ARPP21: variants seen among roughly 807,000 people sequenced by gnomAD.
The protein encoded by ARPP21 is cAMP-regulated phosphoprotein 21.
Under a neutral mutation model 113.2 loss-of-function variants are expected in ARPP21, and 69 were observed. That is an observed-to-expected ratio of 0.61 (90% CI 0.50 to 0.74). The LOEUF (loss-of-function observed/expected upper bound fraction) is 0.74. Among genes scored for constraint, ARPP21 ranks in the 30% least tolerant of loss-of-function variants. ARPP21 has a pLI of 0.00. For missense variants in ARPP21, 1,070 were observed against 1,037.4 expected, an observed-to-expected ratio of 1.03 and a Z score of -0.43; for synonymous variants, 368 against 375.5, an observed-to-expected ratio of 0.98 and a Z score of 0.23.
intron 19 of ARPP21, among the ~76,000 whole-genome samples, chr3:35,749,510 A>AAGTTTGGTTT (rs2095323400): frequency 6.6e-6 from 1 of 151,320 alleles, no homozygotes; most frequent in African/African-American, 2.4e-5. Context: ...TTGGGGGAAG[A>AAGTTTGGTTT]AGTTTGGTTT....
intron 19 of ARPP21, among the ~76,000 whole-genome samples, chr3:35,770,091 G>C (rs990754978): frequency 9.9e-5 from 15 of 152,126 alleles, no homozygotes; most frequent in Non-Finnish European, 7.4e-5. Flanking sequence ...CATCAAAACA[G>C]TTGTTGACTA....
chr3:35,685,764 GAA>G, intron 5 of ARPP21: 1 of 956,440 alleles, frequency 1.0e-6, no homozygotes, highest in Non-Finnish European at 1.2e-6. Flanking sequence ...ACTGCAACTT[GAA>G]TCACTCTTTT....
intron 6 of ARPP21, among the ~76,000 whole-genome samples, chr3:35,688,481 A>G (rs2149583894): frequency 6.6e-6 from 1 of 151,734 alleles, no homozygotes; most frequent in South Asian, 2.1e-4. Context: ...CTCAAAACCT[A>G]CAGTCCAAAC....
chr3:35,743,781 T>C, intron 18 of ARPP21, 58 bp from the exon 19 acceptor site: 1 of 1,584,936 alleles, frequency 6.3e-7, no homozygotes, highest in Non-Finnish European at 8.6e-7. Flanking sequence ...ATTTTAAGTT[T>C]AAAAATTTAC....
intron 19 of ARPP21, among the ~76,000 whole-genome samples, chr3:35,755,747 A>G (rs1576669627): frequency 1.3e-5 from 2 of 152,084 alleles, no homozygotes; most frequent in African/African-American, 2.4e-5. Context: ...AAGAGTGAAG[A>G]GCATCTTAAG....
intron 9 of ARPP21, among the ~76,000 whole-genome samples, chr3:35,695,702 T>A (rs1300125829): frequency 6.6e-6 from 1 of 151,394 alleles, no homozygotes; most frequent in African/African-American, 2.4e-5. Flanking sequence ...TAAACAAATG[T>A]AGTAAGGAGG....
chr3:35,647,751 T>C (rs1700794460), intron 1 of ARPP21, among the ~76,000 whole-genome samples: 1 of 152,154 alleles, frequency 6.6e-6, no homozygotes, highest in Admixed American at 6.5e-5. Context: ...TCTCTGTGCT[T>C]CACAGTTTCT....
chr3:35,660,696 T>G (rs1247012985), intron 1 of ARPP21, among the ~76,000 whole-genome samples: 1 of 152,166 alleles, frequency 6.6e-6, no homozygotes, highest in African/African-American at 2.4e-5. Context: ...AGATTCTTGA[T>G]GGGTATTTAT....
chr3:35,775,926 C>A (rs1162174154), intron 19 of ARPP21, among the ~76,000 whole-genome samples: 1 of 152,070 alleles, frequency 6.6e-6, no homozygotes, highest in Non-Finnish European at 1.5e-5. Flanking sequence ...AGCCAGCTGA[C>A]TTTTTAAATG....
At chr3:35,691,181 A>G (rs1242625871) in intron 9 of ARPP21, among the ~76,000 whole-genome samples, 176 bp downstream of exon 9, 1 of 151,682 alleles carries the variant, frequency 6.6e-6, no homozygotes, top group African/African-American at 2.4e-5. Flanking sequence ...GAGAACCAAG[A>G]AAGTTTATAA....
chr3:35,707,121 T>C (rs754434849), intron 10 of ARPP21, 39 bp downstream of exon 10: 3 of 1,507,440 alleles, frequency 2.0e-6, no homozygotes, highest in Non-Finnish European at 2.8e-6. Flanking sequence ...CATTGTTGTT[T>C]TTGAAGGTGG....
chr3:35,725,808 C>T (rs4678801), intron 14 of ARPP21, among the ~76,000 whole-genome samples: 17,726 of 152,170 alleles, frequency 0.12, 1,069 homozygotes, highest in African/African-American at 0.13. Context: ...TGTGGCTACC[C>T]CCTAGGGTTC....
intron 1 of ARPP21, among the ~76,000 whole-genome samples, chr3:35,658,001 G>A (rs1705811142): frequency 6.6e-6 from 1 of 152,116 alleles, no homozygotes; most frequent in Admixed American, 6.6e-5. Flanking sequence ...GATATCTGAA[G>A]CAACATTACT....
chr3:35,756,650 C>G (rs1025985577), intron 19 of ARPP21, among the ~76,000 whole-genome samples: 3 of 152,078 alleles, frequency 2.0e-5, no homozygotes. Flanking sequence ...CTGTTTTTTA[C>G]AGGTACCTAG....
chr3:35,730,526 T>G (rs1217086472), intron 15 of ARPP21, among the ~76,000 whole-genome samples: 1 of 152,160 alleles, frequency 6.6e-6, no homozygotes, highest in Non-Finnish European at 1.5e-5. Flanking sequence ...TGGTTGAGAA[T>G]CCCCGGCTTA....
chr3:35,650,558 G>A (rs1359389216), intron 1 of ARPP21: 1 of 151,836 alleles, frequency 6.6e-6, no homozygotes, highest in Non-Finnish European at 1.5e-5. Flanking sequence ...AGTTAATTAG[G>A]TAATCCCTAG....
At chr3:35,663,583 C>T (rs1028069909) in intron 1 of ARPP21, among the ~76,000 whole-genome samples, 2 of 152,136 alleles carry the variant, frequency 1.3e-5, no homozygotes, top group African/African-American at 2.4e-5. Flanking sequence ...CACAGCCTCC[C>T]GTGTTGATCG....
At chr3:35,661,642 A>T (rs1297135060) in intron 1 of ARPP21, among the ~76,000 whole-genome samples, 1 of 152,210 alleles carries the variant, frequency 6.6e-6, no homozygotes, top group African/African-American at 2.4e-5. Context: ...AATCAACAGT[A>T]TTCAATTCTC....
chr3:35,716,640 A>G (rs923094542), intron 12 of ARPP21, among the ~76,000 whole-genome samples: 1 of 152,064 alleles, frequency 6.6e-6, no homozygotes, highest in Non-Finnish European at 1.5e-5. Flanking sequence ...AAGGATTCCA[A>G]AAATACTCTA....
Sources: allele counts gnomAD v4.1 joint callset (sites outside exome capture counted in the v4.1 genomes callset), GRCh38; gene constraint gnomAD v4.1.1; transcripts MANE v1.5; gene names NCBI Gene and HGNC (gene_info 2026-07-23, HGNC 2026-07-21).